The following IL17RD variants were observed in gnomAD, a reference collection of about 807,000 sequenced individuals.
IL17RD encodes the protein interleukin 17 receptor D, also known as interleukin-17 receptor D.
In IL17RD, 52 loss-of-function variants were observed where a neutral mutation model predicts 80.5. The observed-to-expected ratio is 0.65, with a 90% confidence interval of 0.52 to 0.81. IL17RD has a LOEUF of 0.81. Among genes scored for constraint, IL17RD ranks in the 40% least tolerant of loss-of-function variants. The pLI is 0.00. For missense variants in IL17RD, 1,024 were observed against 955.1 expected (o/e 1.07, Z -0.95); for synonymous variants, 416 against 391.8 (o/e 1.06, Z -0.73).
At chr3:57,164,506 G>A (rs948209572) in intron 1 of IL17RD, among the ~76,000 whole-genome samples, 2 of 152,212 alleles carry the variant, frequency 1.3e-5, no homozygotes, top group East Asian at 1.9e-4. Context: ...AAAAATATCC[G>A]CAACTCGAAG....
intron 1 of IL17RD, among the ~76,000 whole-genome samples, chr3:57,151,424 G>T (rs2060219445): frequency 6.6e-6 from 1 of 152,166 alleles, no homozygotes; most frequent in African/African-American, 2.4e-5. Flanking sequence ...TAAAATAGTA[G>T]TTGCATTCAG....
At chr3:57,134,468 A>C (rs1308533194) in intron 1 of IL17RD, 5 of 872,748 alleles carry the variant, frequency 5.7e-6, no homozygotes, top group Non-Finnish European at 9.6e-6. Context: ...GATACTGTGA[A>C]TCTAAGAAGA....
rs373411999 is a variant in IL17RD at position 57,114,697 on chromosome 3, G to T, written c.305C>A (p.Ala102Asp). Reference sequence around the variant, plus strand: ...CTCGATTTTTGACCACTCACCGAGGGCCCCTGGGGACCAAAGAATGGTGAC... The same window carrying T: ...CTCGATTTTTGACCACTCACCGAGGTCCCCTGGGGACCAAAGAATGGTGAC... ...VAVTILWSPG[A>D]LGIEFLKGFR... Residue 102 changes from alanine to aspartate, a missense_variant, in exon 3 of 13, where the codon GCC becomes GAC. Physicochemically the swap from Ala to Asp is moderately radical, Grantham distance 126. Transcript: ENST00000296318. 9 of 1,607,970 alleles carry T rather than the reference G, an allele frequency of 5.6e-6. No homozygotes were observed. The highest frequency in any genetic ancestry group is 7.6e-6 in the Non-Finnish European group (9 of 1,177,912).
In IL17RD at chr3:57,092,196, A is replaced by C. The variant is rs1706571177; in HGVS notation, c.*4197T>G. On this transcript the variant is annotated 3_prime_UTR_variant, in exon 13 of 13. Transcript: ENST00000296318. ...ACTCTCTACAACTGCCTGCTTTCCT[A>C]ATCATGTCTTGGCCTATGCTCAGAA... 6.6e-6 allele frequency: 1 copy of C among 152,666 alleles called. No individual in the cohort carries two copies. Among genetic ancestry groups the C allele is most frequent in the South Asian group, 2.1e-4 (1 of 4,836 alleles). 9.5% of individuals were successfully genotyped at this position (152,666 alleles called of 1,614,324 possible).
chr3:57,162,335 C>T lies in IL17RD; in HGVS notation c.126+2826G>A, dbSNP rs189701992. Among the ~76,000 whole-genome samples, 537 of 152,362 alleles carry T rather than the reference C, an allele frequency of 3.5e-3. 4 individuals carry two copies. Among genetic ancestry groups the T allele is most frequent in the Non-Finnish European group, 3.4e-3 (231 of 68,032 alleles). On this transcript the variant is annotated intron_variant, in intron 1 of 12. Coordinates refer to ENST00000296318, the MANE Select transcript of IL17RD (RefSeq NM_017563.5). ...AGTATGGCCCAGGCCCACAGAAAGC[C>T]TCCTCTGATTTGCATCACATATAGT...
intron 2 of IL17RD, among the ~76,000 whole-genome samples, chr3:57,116,011 A>G (rs568085858): frequency 6.6e-6 from 1 of 152,356 alleles, no homozygotes; most frequent in East Asian, 1.9e-4. Context: ...TATAAAAGGC[A>G]TTCATAACCT....
chr3:57,114,244 T>A lies in IL17RD; in HGVS notation c.310+448A>T, dbSNP rs574502429. ...TTAAAAATGAATTGATTTCATTGTC[T>A]TTCATGAACACTGGGATTTTCCTGA... On this transcript the variant is annotated intron_variant, in intron 3 of 12. Transcript: ENST00000296318. Among the ~76,000 whole-genome samples, 521 of 152,260 alleles carry A rather than the reference T, an allele frequency of 3.4e-3. 3 individuals carry two copies. Among genetic ancestry groups the A allele is most frequent in the Non-Finnish European group, 5.1e-3 (349 of 68,010 alleles).
Position 57,093,621 on chromosome 3 carries a change from G to C in IL17RD, c.*2772C>G, listed in dbSNP as rs1326254640. ...CATCTGAATACCTGGGCCTGGACTG[G>C]AATGACTTCTGACTCTTTCTGGAGA... On this transcript the variant is annotated 3_prime_UTR_variant, in exon 13 of 13. Coordinates refer to ENST00000296318, the MANE Select transcript of IL17RD (RefSeq NM_017563.5). 6.6e-6 allele frequency: 1 copy of C among 152,194 alleles called. No individual in the cohort carries two copies. 9.4% of individuals were successfully genotyped at this position (152,194 alleles called of 1,614,324 possible).
At position 57,103,112 on chromosome 3, in the gene IL17RD, T is replaced by C. The variant is rs1706874482; in HGVS notation, c.847A>G (p.Met283Val). Residue 283 changes from methionine to valine, a missense_variant, in exon 9 of 13, where the codon ATG becomes GTG. Transcript: ENST00000296318. The part of the protein sequence containing the change: ...VDDTNTTRKV[M>V]HYALKPVHSP... The stretch of plus-strand genomic sequence containing the variant: ...CTACCTGGCTTTAAGGCATAATGCA[T>C]CACTTTTCTTGTTGTGTTAGTGTCA... 1.9e-6 allele frequency: 3 copies of C among 1,602,842 alleles called. No homozygotes were observed. Among genetic ancestry groups the C allele is most frequent in the Non-Finnish European group, 2.6e-6 (3 of 1,174,118 alleles).
rs1491333752 is a variant in IL17RD, at chr3:57,127,381, TAA to T, written c.127-7070_127-7069del. On this transcript the variant is annotated intron_variant, in intron 1 of 12. Coordinates refer to ENST00000296318, the MANE Select transcript of IL17RD (RefSeq NM_017563.5). ...ATAAATATAAATATATATATATAAATAAATAAATAAATAAATATATATATATA... is the reference window on the plus strand; with the variant it reads ...ATAAATATAAATATATATATATAAATATAAATAAATAAATATATATATATA... Among the ~76,000 whole-genome samples the T allele has an allele frequency of 2.7e-4, 27 of 98,662 alleles. 4 individuals carry two copies. Among genetic ancestry groups the T allele is most frequent in the Non-Finnish European group, 4.5e-4 (24 of 53,080 alleles). The allele number at this position is 98,662 out of a possible 152,430, so 64.7% of individuals were successfully genotyped here. A position where few individuals can be genotyped will look rare whatever the true frequency, so the allele number is the denominator to read the frequency against.
chr3:57,106,189 T>C, intron 5 of IL17RD, 35 bp from the exon 6 acceptor site: 1 of 1,524,900 alleles, frequency 6.6e-7, no homozygotes, highest in Non-Finnish European at 9.0e-7. Context: ...TTTTTAGTTT[T>C]AGGACAGTTA....
At chr3:57,143,030 TAGAC>T (rs1422097040) in intron 1 of IL17RD, among the ~76,000 whole-genome samples, 1 of 152,142 alleles carries the variant, frequency 6.6e-6, no homozygotes, top group Non-Finnish European at 1.5e-5. Flanking sequence ...ATAAATAAAG[TAGAC>T]AGAGAATCAG....
chr3:57,122,276 G>A (rs1707357146), intron 1 of IL17RD, among the ~76,000 whole-genome samples: 1 of 152,190 alleles, frequency 6.6e-6, no homozygotes, highest in African/African-American at 2.4e-5. Flanking sequence ...TAACATCATG[G>A]GAGGAAAAGA....
intron 1 of IL17RD, among the ~76,000 whole-genome samples, chr3:57,146,886 T>G (rs1178990975): frequency 7.7e-6 from 1 of 129,892 alleles, no homozygotes; most frequent in Non-Finnish European, 1.5e-5. Flanking sequence ...GGCACAATCT[T>G]GACTCACTGC....
intron 1 of IL17RD, among the ~76,000 whole-genome samples, chr3:57,159,126 T>C (rs1410151834): frequency 1.3e-5 from 2 of 150,478 alleles, no homozygotes; most frequent in African/African-American, 4.9e-5. Context: ...ATCTCTTCTT[T>C]TTTTTTTTTT....
intron 5 of IL17RD, among the ~76,000 whole-genome samples, 194 bp from the exon 6 acceptor site, chr3:57,106,348 A>T (rs139044337): frequency 6.6e-6 from 1 of 152,240 alleles, no homozygotes; most frequent in African/African-American, 2.4e-5. Context: ...ATATAAAAAT[A>T]TTAATGCAGT....
chr3:57,164,053 C>T (rs532407567), intron 1 of IL17RD, among the ~76,000 whole-genome samples: 1 of 152,300 alleles, frequency 6.6e-6, no homozygotes, highest in South Asian at 2.1e-4. Context: ...CCTAAGCAAA[C>T]CACTCCATAC....
intron 1 of IL17RD, among the ~76,000 whole-genome samples, chr3:57,148,456 A>G (rs995786006): frequency 1.3e-5 from 2 of 152,218 alleles, no homozygotes; most frequent in Non-Finnish European, 2.9e-5. Flanking sequence ...ATAAGACCAT[A>G]GCTCACGAAA....
chr3:57,132,019 A>G (rs1431405825), intron 1 of IL17RD, among the ~76,000 whole-genome samples: 2 of 151,964 alleles, frequency 1.3e-5, no homozygotes, highest in African/African-American at 2.4e-5. Flanking sequence ...AACCCATTCT[A>G]CAAAAAGTAC....
Sources: allele counts gnomAD v4.1 joint callset (sites outside exome capture counted in the v4.1 genomes callset), GRCh38; gene constraint gnomAD v4.1.1; transcripts MANE v1.5; gene names NCBI Gene and HGNC (gene_info 2026-07-23, HGNC 2026-07-21).